PTPRS: variants seen among roughly 807,000 people sequenced by gnomAD.
PTPRS encodes protein tyrosine phosphatase receptor type S.
A neutral mutation model predicts 215.3 loss-of-function variants in PTPRS; 63 were observed. That is an observed-to-expected ratio of 0.29 (90% CI 0.24 to 0.36). The LOEUF (loss-of-function observed/expected upper bound fraction) is 0.36, where lower values mean the gene tolerates loss of function less well. PTPRS is among the 10% of genes least tolerant of loss of function. The pLI is 1.00. For synonymous variants in PTPRS, 1,404 were observed against 1,191.4 expected, an observed-to-expected ratio of 1.18 and a Z score of -3.68; for missense variants, 2,258 against 2,825.8, an observed-to-expected ratio of 0.80 and a Z score of 4.56.
At chr19:5,314,544 T>C (rs1330359722) in intron 1 of PTPRS, among the ~76,000 whole-genome samples, 2 of 152,118 alleles carry the variant, frequency 1.3e-5, no homozygotes, top group East Asian at 3.8e-4. Flanking sequence ...CTTATTTATT[T>C]ATTTATTTAA....
intron 4 of PTPRS, among the ~76,000 whole-genome samples, chr19:5,272,196 C>T (rs1013000210): frequency 1.3e-5 from 2 of 152,076 alleles, no homozygotes; most frequent in East Asian, 1.9e-4. Context: ...GGTTTGTAGG[C>T]GGCTGTTTGA....
intron 18 of PTPRS, 88 bp from the exon 19 acceptor site, chr19:5,222,308 G>A: frequency 9.0e-7 from 1 of 1,115,634 alleles, no homozygotes; most frequent in South Asian, 1.3e-5. Flanking sequence ...GGGTGGGGTG[G>A]GGCGGCCCAG....
intron 1 of PTPRS, among the ~76,000 whole-genome samples, chr19:5,328,134 T>G (rs576765077): frequency 5.9e-4 from 90 of 152,292 alleles, no homozygotes; most frequent in African/African-American, 2.1e-3. Flanking sequence ...GTTTTTGTTT[T>G]GAGACAGAGT....
intron 9 of PTPRS, among the ~76,000 whole-genome samples, chr19:5,247,219 T>TAA (rs1555777846): frequency 6.7e-6 from 1 of 148,518 alleles, no homozygotes; most frequent in African/African-American, 2.5e-5. Flanking sequence ...ATAATAATAA[T>TAA]TAATAATAAT....
intron 35 of PTPRS, among the ~76,000 whole-genome samples, chr19:5,208,700 G>A (rs562547243): frequency 1.3e-5 from 2 of 152,034 alleles, no homozygotes; most frequent in East Asian, 1.9e-4. Context: ...ACAACTTACC[G>A]TCCTTCACAA....
rs1192384357 is a variant in PTPRS at position 5,243,968 on chromosome 19, C to A, written c.1503G>T (p.Val501=). 1.9e-6 allele frequency: 3 copies of A among 1,598,766 alleles called. No individual in the cohort carries two copies. The highest frequency in any genetic ancestry group is 2.5e-6 in the Non-Finnish European group (3 of 1,178,094). The change falls in exon 11 of 38, where the codon GTG becomes GTT. Residue 501 remains valine (V), a synonymous_variant. Coordinates refer to ENST00000262963, the MANE Select transcript of PTPRS (RefSeq NM_002850.4). ...CGTCGCCGACGGAGGTGAAGGCGAG[C>A]ACCCGCACGGTGTAGGTCTCGTCCT... ...LLEDETYTVR[V]LAFTSVGDGP...
At chr19:5,208,498 T>A in intron 35 of PTPRS, 107 bp from the exon 36 acceptor site, 13 of 1,189,302 alleles carry the variant, frequency 1.1e-5, no homozygotes, top group Non-Finnish European at 1.5e-5. Context: ...TGTTTGTTTT[T>A]GAGATGGAGT....
intron 1 of PTPRS, among the ~76,000 whole-genome samples, chr19:5,332,230 C>A (rs1480690425): frequency 2.0e-5 from 3 of 152,002 alleles, no homozygotes; most frequent in African/African-American, 2.4e-5. Flanking sequence ...CAGGTTCAAG[C>A]GATTCTCCTG....
intron 16 of PTPRS, among the ~76,000 whole-genome samples, chr19:5,226,824 C>A (rs998432273): frequency 2.0e-5 from 3 of 152,060 alleles, no homozygotes; most frequent in African/African-American, 7.2e-5. Flanking sequence ...TACAGCAAAT[C>A]TAGTTATTTC....
intron 13 of PTPRS, among the ~76,000 whole-genome samples, chr19:5,238,083 G>A (rs1351526402): frequency 1.3e-5 from 2 of 152,208 alleles, no homozygotes; most frequent in African/African-American, 4.8e-5. Context: ...AGCAGGGGGA[G>A]GCCACGACAG....
At chr19:5,333,542 C>A (rs1256314775) in intron 1 of PTPRS, among the ~76,000 whole-genome samples, 1 of 151,812 alleles carries the variant, frequency 6.6e-6, no homozygotes, top group Non-Finnish European at 1.5e-5. Flanking sequence ...GATTCGAACT[C>A]CTTGGGGTGG....
intron 18 of PTPRS, among the ~76,000 whole-genome samples, 196 bp from the exon 19 acceptor site, chr19:5,222,416 C>T (rs902465311): frequency 1.1e-4 from 15 of 137,646 alleles, no homozygotes; most frequent in Non-Finnish European, 1.5e-4. Context: ...CTTCGGGAGA[C>T]GGCACGGGTG....
In PTPRS at chr19:5,229,499, C is replaced by T. The variant is rs1303613614; in HGVS notation, c.2341G>A (p.Asp781Asn). 29 of 1,444,600 alleles carry T rather than the reference C, an allele frequency of 2.0e-5. No individual in the cohort carries two copies. The highest frequency in any genetic ancestry group is 4.5e-5 in the African/African-American group (3 of 66,658). 89.5% of individuals were successfully genotyped at this position (1,444,600 alleles called of 1,614,324 possible). The change falls in exon 15 of 38, where the codon GAT becomes AAT. Residue 781 changes from aspartate (D) to asparagine (N), a missense_variant. Coordinates refer to ENST00000262963, the MANE Select transcript of PTPRS (RefSeq NM_002850.4). ...PPRIKDVMLA[D>N]AQWETDDTAE... is the part of the protein sequence containing the mutation. ...CCCGGCCCCCCGCCCACCTGGGCAT[C>T]GGCCAGCATGACGTCCTTGATGCGC...
At chr19:5,264,888 C>T (rs920861198) in intron 5 of PTPRS, 120 bp downstream of exon 5, 2 of 1,203,068 alleles carry the variant, frequency 1.7e-6, no homozygotes, top group African/African-American at 1.5e-5. Context: ...CAACGCCTGC[C>T]ACGGCCACAC....
Position 5,207,949 on chromosome 19 carries a change from G to A in PTPRS, c.5751C>T (p.Thr1917=), listed in dbSNP as rs141597386. 6.2e-7 allele frequency: 1 copy of A among 1,613,888 alleles called. No individual in the cohort carries two copies. The highest frequency in any genetic ancestry group is 1.3e-5 in the African/African-American group (1 of 74,928). The change falls in exon 37 of 38, where the codon ACC becomes ACT. Residue 1917 remains threonine (T), a synonymous_variant. Transcript: ENST00000262963. ...CTGTCTGCACCATGGCCGGCCGCTG[G>A]GTTCGTAGCATCTTCACCGTCTGAA... is the stretch of plus-strand genomic sequence containing the variant. ...DIFQTVKMLR[T]QRPAMVQTED...
At chr19:5,226,744 C>CTCAA (rs368190555) in intron 16 of PTPRS, among the ~76,000 whole-genome samples, 139 of 146,852 alleles carry the variant, frequency 9.5e-4, no homozygotes, top group African/African-American at 3.4e-3. Context: ...GCAAGACTGT[C>CTCAA]TCAAAAATAA....
Position 5,238,080 on chromosome 19 carries a change from G to A in PTPRS, c.1849+839C>T, listed in dbSNP as rs570160593. Among the ~76,000 whole-genome samples, 3 of 152,314 alleles carry A rather than the reference G, an allele frequency of 2.0e-5. No individual in the cohort carries two copies. In the East Asian group the frequency reaches 5.8e-4, roughly 29 times the overall value. Reference sequence around the variant, plus strand: ...AGGGAGGGAAGAGGGGGAAGCAGGGGGAGGCCACGACAGAGAGACCACGCC... The same window carrying A: ...AGGGAGGGAAGAGGGGGAAGCAGGGAGAGGCCACGACAGAGAGACCACGCC... On this transcript the variant is annotated intron_variant, in intron 13 of 37. Transcript: ENST00000262963.
At chr19:5,218,834 A>G (rs777180220) in intron 23 of PTPRS, 36 bp from the exon 24 acceptor site, 9 of 1,573,794 alleles carry the variant, frequency 5.7e-6, no homozygotes, top group African/African-American at 1.4e-5. Context: ...AGAAGGGGGA[A>G]AAAAAGAAGA....
rs765040102 is a variant in PTPRS, at chr19:5,221,148, C to T, written c.3307G>A (p.Gly1103Ser). 7 of 1,613,796 alleles carry T rather than the reference C, an allele frequency of 4.3e-6. No homozygotes were observed. Among genetic ancestry groups the T allele is most frequent in the South Asian group, 1.1e-5 (1 of 91,078 alleles). ...TGCTGGAGGCCGCCCAGGCTGCTGC[C>T]GCGATTGGTCAGCACAAAGTTGTAG... ...TFYNFVLTNRGSSLGGLQQTV... is the reference protein window; with the variant it reads ...TFYNFVLTNRSSSLGGLQQTV... Residue 1103 changes from glycine (G) to serine (S), a missense_variant, in exon 20 of 38, where the codon GGC becomes AGC. By Grantham distance (56) the Gly-to-Ser change is moderately conservative. Coordinates refer to ENST00000262963, the MANE Select transcript of PTPRS (RefSeq NM_002850.4).
Sources: gnomAD v4.1 joint callset for allele counts (sites outside exome capture counted in the v4.1 genomes callset) on GRCh38, gnomAD v4.1.1 for gene constraint, MANE v1.5 for transcripts, NCBI Gene and HGNC (gene_info 2026-07-23, HGNC 2026-07-21) for gene names.